The following CDC73 variants were observed in gnomAD, a reference collection of about 807,000 sequenced individuals.
The protein encoded by CDC73 is cell division cycle 73.
A neutral mutation model predicts 83.7 loss-of-function variants in CDC73; 21 were observed. The observed-to-expected ratio is 0.25, with a 90% CI of 0.18 to 0.36. The LOEUF (loss-of-function observed/expected upper bound fraction) is 0.36. CDC73 is among the 10% of genes least tolerant of loss of function. The pLI is 1.00. For missense variants in CDC73, 342 were observed against 653.3 expected, an observed-to-expected ratio of 0.52 and a Z score of 5.19; for synonymous variants, 224 against 212.9, an observed-to-expected ratio of 1.05 and a Z score of -0.45.
intron 10 of CDC73, among the ~76,000 whole-genome samples, chr1:193,188,538 A>G (rs1336538835): frequency 2.0e-5 from 3 of 152,076 alleles, no homozygotes; most frequent in Non-Finnish European, 4.4e-5. Flanking sequence ...CAACAGGTAC[A>G]TATTGATTAA....
chr1:193,136,339 C>T (rs1408329571), intron 5 of CDC73, among the ~76,000 whole-genome samples: 6 of 152,036 alleles, frequency 3.9e-5, no homozygotes, highest in African/African-American at 1.4e-4. Context: ...CTGCTCAGAG[C>T]TGTGAACATG....
At chr1:193,124,073 A>G (rs1199719854) in intron 1 of CDC73, among the ~76,000 whole-genome samples, 1 of 152,264 alleles carries the variant, frequency 6.6e-6, no homozygotes, top group Non-Finnish European at 1.5e-5. Flanking sequence ...TGTATGCTTA[A>G]AGGCATAAAG....
intron 10 of CDC73, among the ~76,000 whole-genome samples, chr1:193,202,613 CTT>C (rs35435159): frequency 0.011 from 1,352 of 126,430 alleles, 12 homozygotes; most frequent in South Asian, 0.036. Context: ...CCTCAGGTGT[CTT>C]TTTTTTTTTT....
At chr1:193,171,860 A>T (rs912445485) in intron 10 of CDC73, among the ~76,000 whole-genome samples, 10 of 152,210 alleles carry the variant, frequency 6.6e-5, no homozygotes, top group African/African-American at 2.4e-4. Flanking sequence ...AATGAAAAAA[A>T]GATGTATTTG....
At chr1:193,131,220 A>G (rs2103118646) in intron 3 of CDC73, among the ~76,000 whole-genome samples, 1 of 151,918 alleles carries the variant, frequency 6.6e-6, no homozygotes, top group South Asian at 2.1e-4. Flanking sequence ...CCTCACACAG[A>G]ACAAAAACAA....
At position 193,218,947 on chromosome 1, in the gene CDC73, A is replaced by T. The variant is rs559597309; in HGVS notation, c.1154+6470A>T. On this transcript the variant is annotated intron_variant, in intron 13 of 16. Transcript: ENST00000367435. ...AAAAAGCTTCTGCCCAGCAAAAGAC[A>T]TTGTCAACAGAGTAAACAGACAACA... 9.2e-5 allele frequency among the ~76,000 whole-genome samples: 14 copies of T among 152,368 alleles called. 1 individual carries two copies. The South Asian group carries it at 2.9e-3, about 32-fold the overall frequency.
At chr1:193,168,017 C>T (rs1488041578) in intron 10 of CDC73, among the ~76,000 whole-genome samples, 11 of 151,984 alleles carry the variant, frequency 7.2e-5, no homozygotes, top group Admixed American at 5.2e-4. Context: ...CCTGCCACCA[C>T]GACTGGCTAA....
intron 11 of CDC73, among the ~76,000 whole-genome samples, chr1:193,209,467 G>T (rs1028811030): frequency 2.0e-4 from 31 of 152,244 alleles, no homozygotes; most frequent in African/African-American, 7.2e-4. Flanking sequence ...TAATCAGCTT[G>T]CCTAGACAGT....
chr1:193,153,329 T>C (rs938162853), intron 10 of CDC73, among the ~76,000 whole-genome samples: 2 of 152,188 alleles, frequency 1.3e-5, no homozygotes, highest in African/African-American at 2.4e-5. Context: ...TAACCTCATT[T>C]TGCATATTTA....
rs3079946 is a variant in CDC73 at position 193,187,102 on chromosome 1, T to TCCC, written c.973-16685_973-16683dup. Among the ~76,000 whole-genome samples the TCCC allele has an allele frequency of 3.9e-3, 127 of 32,860 alleles. 21 individuals are homozygous for TCCC. The highest frequency in any genetic ancestry group is 0.01 in the African/African-American group (102 of 10,032). 21.6% of individuals were successfully genotyped at this position (32,860 alleles called of 152,430 possible). On this transcript the variant is annotated intron_variant, in intron 10 of 16. Transcript: ENST00000367435. ...AAACCATGTATCTTTGTAATTTAGA[T>TCCC]CCCCCCCCCCGTTTTCTGGGGTTTG...
chr1:193,143,840 C>T (rs1273571476), intron 7 of CDC73, among the ~76,000 whole-genome samples: 1 of 151,904 alleles, frequency 6.6e-6, no homozygotes, highest in Admixed American at 6.6e-5. Flanking sequence ...CTGGGTGCAG[C>T]GGCTCATGCC....
In CDC73 at chr1:193,147,928, C is replaced by T. The variant is rs767567880; in HGVS notation, c.791C>T (p.Ala264Val). 1.2e-6 allele frequency: 2 copies of T among 1,613,412 alleles called. No individual in the cohort carries two copies. The highest frequency in any genetic ancestry group is 2.2e-5 in the East Asian group (1 of 44,864). ...GTAAAAGCCAGAGAAGAAGGGCGTG[C>T]ACCTGAACAGCGACCTGCCCCAAAT... ...QSVKAREEGR[A>V]PEQRPAPNAA... is the part of the protein sequence containing the mutation. The change falls in exon 8 of 17, where the codon GCA becomes GTA. Residue 264 changes from alanine (A) to valine (V), a missense_variant. Physicochemically the swap from Ala to Val is moderately conservative, Grantham distance 64. Coordinates refer to ENST00000367435, the MANE Select transcript of CDC73 (RefSeq NM_024529.5).
chr1:193,238,809 G>A (rs1034776502), intron 15 of CDC73, among the ~76,000 whole-genome samples: 1 of 152,204 alleles, frequency 6.6e-6, no homozygotes, highest in African/African-American at 2.4e-5. Flanking sequence ...TGTTCATTAA[G>A]TGGGAGTGGG....
chr1:193,181,709 C>G (rs1357602734), intron 10 of CDC73: 1 of 742,424 alleles, frequency 1.3e-6, no homozygotes, highest in Non-Finnish European at 2.1e-6. Context: ...CAAAAGTTTA[C>G]AGAACTGCCT....
At chr1:193,234,248 A>T (rs1677714888) in intron 14 of CDC73, among the ~76,000 whole-genome samples, 1 of 16,486 alleles carries the variant, frequency 6.1e-5, no homozygotes, top group Admixed American at 6.5e-4. Flanking sequence ...TTATATATTT[A>T]TTTATATATA....
chr1:193,213,978 G>C (rs797000438), intron 13 of CDC73, among the ~76,000 whole-genome samples: 8 of 152,276 alleles, frequency 5.3e-5, no homozygotes, highest in African/African-American at 1.9e-4. Flanking sequence ...TTCTTCCCCT[G>C]CTCCAGAGGT....
rs564782649 is a variant in CDC73 at position 193,210,687 on chromosome 1, G to A, written c.1031-1378G>A. ...GAGGATAGCTTGAGCTCAGGAGTTC[G>A]AGATCAACCCTGGGTGACATTGCGA... On this transcript the variant is annotated intron_variant, in intron 11 of 16. Transcript: ENST00000367435. 3.3e-5 allele frequency among the ~76,000 whole-genome samples: 5 copies of A among 152,186 alleles called. No homozygotes were observed. In the East Asian group the frequency reaches 7.7e-4, roughly 24 times the overall value.
intron 11 of CDC73, among the ~76,000 whole-genome samples, chr1:193,207,307 C>T (rs114375995): frequency 2.5e-4 from 38 of 152,310 alleles, no homozygotes; most frequent in Non-Finnish European, 4.4e-4. Flanking sequence ...ATTAGAATTA[C>T]TGATGAGGGT....
At chr1:193,217,467 T>C (rs533377927) in intron 13 of CDC73, among the ~76,000 whole-genome samples, 1 of 152,194 alleles carries the variant, frequency 6.6e-6, no homozygotes, top group Admixed American at 6.5e-5. Context: ...GGTTTTCCCC[T>C]GGAGTCCAGC....
Sources: gnomAD v4.1 joint callset for allele counts (sites outside exome capture counted in the v4.1 genomes callset) on GRCh38, gnomAD v4.1.1 for gene constraint, MANE v1.5 for transcripts, NCBI Gene and HGNC (gene_info 2026-07-23, HGNC 2026-07-21) for gene names.